Variants in NRG3 observed in about 807,000 individuals in gnomAD.
NRG3 encodes pro-neuregulin-3, membrane-bound isoform.
Under a neutral mutation model 66.9 loss-of-function variants are expected in NRG3, and 31 were observed. The observed-to-expected ratio is 0.46, with a 90% confidence interval of 0.35 to 0.63. NRG3 has a LOEUF of 0.63. Ranked by LOEUF, NRG3 falls within the 20% of genes least tolerant of loss-of-function variation. The pLI is 0.00. For synonymous variants in NRG3, 393 were observed against 359.4 expected, an observed-to-expected ratio of 1.09 and a Z score of -1.06; for missense variants, 910 against 878.9, an observed-to-expected ratio of 1.04 and a Z score of -0.45.
intron 1 of NRG3, among the ~76,000 whole-genome samples, chr10:82,355,443 CAA>C (rs755355666): frequency 2.6e-5 from 4 of 152,060 alleles, no homozygotes; most frequent in Non-Finnish European, 5.9e-5. Flanking sequence ...GAAAATTAAA[CAA>C]ATAGATGTAT....
At chr10:82,428,081 A>C (rs1412146265) in intron 2 of NRG3, among the ~76,000 whole-genome samples, 2 of 151,682 alleles carry the variant, frequency 1.3e-5, no homozygotes, top group Admixed American at 6.6e-5. Flanking sequence ...AGCAATTTGA[A>C]CTTCTGTATT....
chr10:82,465,314 C>T (rs1325005192), intron 2 of NRG3, among the ~76,000 whole-genome samples: 1 of 152,122 alleles, frequency 6.6e-6, no homozygotes, highest in Non-Finnish European at 1.5e-5. Flanking sequence ...AGTCAGTCAC[C>T]GTATGACTTA....
intron 1 of NRG3, among the ~76,000 whole-genome samples, chr10:82,130,549 T>C (rs2068749871): frequency 6.6e-6 from 1 of 151,958 alleles, no homozygotes; most frequent in Non-Finnish European, 1.5e-5. Flanking sequence ...TTTGGGGGGG[T>C]ATATACCTAG....
In NRG3 at chr10:82,395,706, C is replaced by T. The variant is rs537774338; in HGVS notation, c.953+36838C>T. ...ATCATCCATCCACTCATCCACCCAT[C>T]CATCCATCTATCCACCCATTCATCC... On this transcript the variant is annotated intron_variant, in intron 2 of 8. Coordinates refer to ENST00000372141, the MANE Select transcript of NRG3 (RefSeq NM_001010848.4). Among the ~76,000 whole-genome samples the T allele has an allele frequency of 3.3e-5, 5 of 152,272 alleles. No individual in the cohort carries two copies. The South Asian group carries it at 1.0e-3, about 32-fold the overall frequency.
At chr10:82,537,110 C>T (rs1440275280) in intron 2 of NRG3, among the ~76,000 whole-genome samples, 1 of 151,896 alleles carries the variant, frequency 6.6e-6, no homozygotes, top group Non-Finnish European at 1.5e-5. Flanking sequence ...ATGTTCACCT[C>T]ATGGGTTTTT....
Position 82,462,055 on chromosome 10 carries a change from C to T in NRG3, c.953+103187C>T, listed in dbSNP as rs1164343814. Among the ~76,000 whole-genome samples, 5 of 152,104 alleles carry T rather than the reference C, an allele frequency of 3.3e-5. No individual in the cohort carries two copies. In the East Asian group the frequency reaches 7.7e-4, roughly 24 times the overall value. ...CTGAGGCAGGACAATCGTTTGAACC[C>T]GGGAGGCGGAGGTGGCGGTGAGCTG... On this transcript the variant is annotated intron_variant, in intron 2 of 8. Coordinates refer to ENST00000372141, the MANE Select transcript of NRG3 (RefSeq NM_001010848.4).
In NRG3 at chr10:82,355,197, C is replaced by T. The variant is rs144920029; in HGVS notation, c.824-3542C>T. Among the ~76,000 whole-genome samples the T allele has an allele frequency of 4.7e-3, 716 of 152,226 alleles. 5 individuals are homozygous for T. The highest frequency in any genetic ancestry group is 0.017 in the African/African-American group (686 of 41,528). On this transcript the variant is annotated intron_variant, in intron 1 of 8. Coordinates refer to ENST00000372141, the MANE Select transcript of NRG3 (RefSeq NM_001010848.4). ...AGAGTTTTTGATTACTAAGATACAC[C>T]AAGGTTGTTTAGGATCATAACTTTT...
chr10:82,131,065 T>G (rs1378841861), intron 1 of NRG3, among the ~76,000 whole-genome samples: 2 of 152,180 alleles, frequency 1.3e-5, no homozygotes, highest in Non-Finnish European at 2.9e-5. Context: ...TCTTTGTCTA[T>G]TTTTGCTTTG....
chr10:82,176,161 T>G (rs2073016074), intron 1 of NRG3, among the ~76,000 whole-genome samples: 1 of 152,236 alleles, frequency 6.6e-6, no homozygotes, highest in Non-Finnish European at 1.5e-5. Flanking sequence ...TTGTCTATAC[T>G]GCACAGTACT....
intron 4 of NRG3, among the ~76,000 whole-genome samples, chr10:82,894,763 TGAATGTGCA>T (rs1321680379): frequency 6.6e-6 from 1 of 151,964 alleles, no homozygotes; most frequent in Non-Finnish European, 1.5e-5. Flanking sequence ...AGTTCTAGGG[TGAATGTGCA>T]GAATGTGCAG....
intron 2 of NRG3, among the ~76,000 whole-genome samples, chr10:82,691,192 CA>C (rs2054898483): frequency 6.6e-6 from 1 of 152,134 alleles, no homozygotes; most frequent in South Asian, 2.1e-4. Flanking sequence ...GAAAGAAGCA[CA>C]AATGTCCCCC....
intron 2 of NRG3, among the ~76,000 whole-genome samples, chr10:82,402,133 T>C (rs2087147236): frequency 6.6e-6 from 1 of 152,118 alleles, no homozygotes. Flanking sequence ...TGATTATAAA[T>C]ATTTAGCCTC....
chr10:82,306,182 G>A (rs1370564153), intron 1 of NRG3, among the ~76,000 whole-genome samples: 1 of 152,032 alleles, frequency 6.6e-6, no homozygotes, highest in Non-Finnish European at 1.5e-5. Context: ...TGGATTATTT[G>A]TATTAACACT....
At chr10:82,806,782 A>G (rs2061303756) in intron 3 of NRG3, among the ~76,000 whole-genome samples, 1 of 152,174 alleles carries the variant, frequency 6.6e-6, no homozygotes, top group Non-Finnish European at 1.5e-5. Context: ...AGTGCATAGT[A>G]CTTAGGTAAG....
rs1299410502 is a variant in NRG3 at position 82,364,290 on chromosome 10, AT to A, written c.953+5424del. On this transcript the variant is annotated intron_variant, in intron 2 of 8. Transcript: ENST00000372141. ...GTGTCTGCTCCTTCTTTTATTAATA[AT>A]TCATTGATACTTTTTATAATAATTC... 4.6e-5 allele frequency among the ~76,000 whole-genome samples: 7 copies of A among 152,292 alleles called. No individual in the cohort carries two copies. In the East Asian group the frequency reaches 1.4e-3, roughly 29 times the overall value.
chr10:82,962,423 G>T (rs1030578611), intron 6 of NRG3, among the ~76,000 whole-genome samples: 72 of 152,066 alleles, frequency 4.7e-4, no homozygotes, highest in Admixed American at 9.8e-4. Context: ...GAAGAAAATT[G>T]TATACCCTTC....
chr10:81,955,806 T>C (rs971469268), intron 1 of NRG3, among the ~76,000 whole-genome samples: 1 of 152,160 alleles, frequency 6.6e-6, no homozygotes, highest in African/African-American at 2.4e-5. Context: ...GATACCAAAA[T>C]ATGTTTCTCA....
rs903638372 is a variant in NRG3, at chr10:82,985,885, C to T, written c.*280C>T. On this transcript the variant is annotated 3_prime_UTR_variant, in exon 9 of 9. Coordinates refer to ENST00000372141, the MANE Select transcript of NRG3 (RefSeq NM_001010848.4). Reference sequence around the variant, plus strand: ...CTCTTTGGCTCTTAGAAGATGTGGGCAATTCAGACCCTTGGCCCCACAGTG... The same window carrying T: ...CTCTTTGGCTCTTAGAAGATGTGGGTAATTCAGACCCTTGGCCCCACAGTG... 6.7e-6 allele frequency: 2 copies of T among 296,972 alleles called. No homozygotes were observed. Among genetic ancestry groups the T allele is most frequent in the African/African-American group, 4.4e-5 (2 of 45,256 alleles). The allele number at this position is 296,972 out of a possible 1,614,324, so 18.4% of individuals were successfully genotyped here.
chr10:81,875,601 A>G lies in NRG3; in HGVS notation c.261A>G (p.Lys87=), dbSNP rs370327916. 153 of 1,613,488 alleles carry G rather than the reference A, an allele frequency of 9.5e-5. No individual in the cohort carries two copies. The Middle Eastern group carries it at 1.3e-3, about 14-fold the overall frequency. Reference sequence around the variant, plus strand: ...TGGGGCTCAGCCTCATGCTTCTCAAATGGATCGTGGTGGGCTCCGTCAAGG... The same window carrying G: ...TGGGGCTCAGCCTCATGCTTCTCAAGTGGATCGTGGTGGGCTCCGTCAAGG... ...IGLGLSLMLL[K]WIVVGSVKEY... The change falls in exon 1 of 9, where the codon AAA becomes AAG. Residue 87 remains lysine (K), a synonymous_variant. Transcript: ENST00000372141. This position sits in a 1 kb window ranked among gnomAD's most constrained non-coding sequence, Gnocchi z 5.3.
Sources: allele counts gnomAD v4.1 joint callset (sites outside exome capture counted in the v4.1 genomes callset), GRCh38; gene constraint gnomAD v4.1.1; non-coding constraint Gnocchi (gnomAD v3.1); transcripts MANE v1.5; gene names NCBI Gene and HGNC (gene_info 2026-07-23, HGNC 2026-07-21).